SYT1: variants seen among roughly 807,000 people sequenced by gnomAD.
SYT1 encodes synaptotagmin 1.
A neutral mutation model predicts 44.8 loss-of-function variants in SYT1; 8 were observed. That is an observed-to-expected ratio of 0.18 (90% CI 0.10 to 0.32). The LOEUF (loss-of-function observed/expected upper bound fraction) is 0.32, where lower values mean the gene tolerates loss of function less well. SYT1 is among the 10% of genes least tolerant of loss of function. SYT1 has a pLI of 1.00. For missense variants in SYT1, 286 were observed against 509.3 expected (o/e 0.56, Z 4.22); for synonymous variants, 154 against 188.8 (o/e 0.82, Z 1.51).
intron 3 of SYT1, among the ~76,000 whole-genome samples, chr12:79,151,646 G>A (rs2138262710): frequency 6.6e-6 from 1 of 152,266 alleles, no homozygotes; most frequent in Non-Finnish European, 1.5e-5. Context: ...GAGTTGATGA[G>A]CTGGACCAAA....
chr12:79,365,327 G>A (rs1300727883), intron 9 of SYT1, among the ~76,000 whole-genome samples: 4 of 151,904 alleles, frequency 2.6e-5, no homozygotes, highest in African/African-American at 4.8e-5. Flanking sequence ...GCATCCCTTT[G>A]TTCGAATGTA....
chr12:79,204,253 A>C (rs1873964333), intron 3 of SYT1, among the ~76,000 whole-genome samples: 1 of 152,250 alleles, frequency 6.6e-6, no homozygotes. Context: ...ATTTATTGAT[A>C]TATTATTTCT....
intron 8 of SYT1, among the ~76,000 whole-genome samples, chr12:79,330,603 A>T (rs1014206606): frequency 3.9e-5 from 6 of 152,206 alleles, no homozygotes; most frequent in African/African-American, 1.4e-4. Context: ...GGCTGTGAAG[A>T]TATGAAATAA....
rs534945423 is a variant in SYT1, at chr12:79,009,530, T to A, written c.-84+31599T>A. The stretch of plus-strand genomic sequence containing the variant: ...TCTTACTTGCTCCCTGGTACCATGA[T>A]AAACACGTGTATGTTTTATTTCACT... On this transcript the variant is annotated intron_variant, in intron 2 of 10. Transcript: ENST00000261205. Among the ~76,000 whole-genome samples the A allele has an allele frequency of 3.9e-5, 6 of 152,308 alleles. No homozygotes were observed. In the East Asian group the frequency reaches 9.6e-4, roughly 24 times the overall value.
chr12:79,402,319 T>C (rs1026976953), intron 9 of SYT1, among the ~76,000 whole-genome samples: 1 of 152,180 alleles, frequency 6.6e-6, no homozygotes, highest in Non-Finnish European at 1.5e-5. Flanking sequence ...CCATGTAAAC[T>C]TGTGCAATTT....
chr12:78,882,180 G>A (rs1874495642), intron 1 of SYT1, among the ~76,000 whole-genome samples: 1 of 151,762 alleles, frequency 6.6e-6, no homozygotes, highest in African/African-American at 2.4e-5. Context: ...AATGAATGGG[G>A]AGATGATAAG....
At chr12:78,877,240 C>T (rs562348591) in intron 1 of SYT1, among the ~76,000 whole-genome samples, 99 of 151,376 alleles carry the variant, frequency 6.5e-4, no homozygotes, top group Non-Finnish European at 4.9e-4. Flanking sequence ...AAGGGATGTC[C>T]TATGTGGCGG....
chr12:78,980,569 T>A (rs3849227), intron 2 of SYT1, among the ~76,000 whole-genome samples: 31,254 of 151,960 alleles, frequency 0.21, 3,775 homozygotes, highest in African/African-American at 0.35. Context: ...AGTTTCATTA[T>A]GAAGTTAAAT....
intron 3 of SYT1, among the ~76,000 whole-genome samples, chr12:79,121,870 G>C (rs1879616338): frequency 1.3e-5 from 2 of 152,168 alleles, no homozygotes; most frequent in Admixed American, 6.5e-5. Flanking sequence ...ACAAATAGTA[G>C]ATGTAATTCA....
chr12:79,197,728 C>A (rs1401618491), intron 3 of SYT1, among the ~76,000 whole-genome samples: 1 of 152,052 alleles, frequency 6.6e-6, no homozygotes, highest in Non-Finnish European at 1.5e-5. Context: ...TTAGTTTGTT[C>A]AGCAAAAGAA....
At chr12:78,966,550 C>T (rs1277931394) in intron 1 of SYT1, among the ~76,000 whole-genome samples, 1 of 152,158 alleles carries the variant, frequency 6.6e-6, no homozygotes, top group Admixed American at 6.5e-5. Context: ...TCCTTCTTCA[C>T]ATTTTTAGCG....
At chr12:79,252,514 G>C (rs1461182894) in intron 4 of SYT1, among the ~76,000 whole-genome samples, 1 of 152,046 alleles carries the variant, frequency 6.6e-6, no homozygotes, top group Non-Finnish European at 1.5e-5. Context: ...ATTCTGACAG[G>C]GAAGTTGTGA....
intron 8 of SYT1, among the ~76,000 whole-genome samples, chr12:79,310,145 T>A (rs1408963916): frequency 1.3e-5 from 2 of 152,118 alleles, no homozygotes; most frequent in African/African-American, 4.8e-5. Flanking sequence ...TTTTTATGGT[T>A]TTAGGTCTAA....
At chr12:78,948,915 T>G (rs1878811917) in intron 1 of SYT1, among the ~76,000 whole-genome samples, 2 of 150,650 alleles carry the variant, frequency 1.3e-5, no homozygotes, top group South Asian at 4.1e-4. Context: ...GAAGCCTAAG[T>G]TAAAATCTCT....
At chr12:79,040,146 G>C (rs905448226) in intron 2 of SYT1, among the ~76,000 whole-genome samples, 1 of 151,964 alleles carries the variant, frequency 6.6e-6, no homozygotes, top group Non-Finnish European at 1.5e-5. Flanking sequence ...CCAGTAATGG[G>C]ATGGCTGGGT....
At chr12:78,875,959 G>T (rs1874045525) in intron 1 of SYT1, among the ~76,000 whole-genome samples, 1 of 151,402 alleles carries the variant, frequency 6.6e-6, no homozygotes, top group Admixed American at 6.6e-5. Flanking sequence ...CATTTCTAAA[G>T]AAATTAAATA....
chr12:78,987,747 C>T (rs769271448), intron 2 of SYT1, among the ~76,000 whole-genome samples: 2 of 152,026 alleles, frequency 1.3e-5, no homozygotes, highest in Non-Finnish European at 2.9e-5. Context: ...GAATTTTACT[C>T]AACATTTAAA....
chr12:79,339,251 T>C (rs1227030271), intron 8 of SYT1, among the ~76,000 whole-genome samples: 1 of 152,232 alleles, frequency 6.6e-6, no homozygotes, highest in African/African-American at 2.4e-5. Flanking sequence ...CCACACTGTC[T>C]TCCACAATGG....
intron 9 of SYT1, among the ~76,000 whole-genome samples, chr12:79,410,506 C>CA (rs5799432): frequency 0.077 from 5,879 of 75,886 alleles, 260 homozygotes; most frequent in Non-Finnish European, 0.1. Context: ...TGTTCAAAGT[C>CA]AAAAAAAAAA....
Sources: gnomAD v4.1 joint callset for allele counts (sites outside exome capture counted in the v4.1 genomes callset) on GRCh38, gnomAD v4.1.1 for gene constraint, MANE v1.5 for transcripts, NCBI Gene and HGNC (gene_info 2026-07-23, HGNC 2026-07-21) for gene names.